WDFY2: variants seen among roughly 807,000 people sequenced by gnomAD.
WDFY2 encodes WD repeat and FYVE domain-containing protein 2.
Under a neutral mutation model 56.4 loss-of-function variants are expected in WDFY2, and 36 were observed. That is an observed-to-expected ratio of 0.64 (90% CI 0.49 to 0.84). The LOEUF (loss-of-function observed/expected upper bound fraction) is 0.84. Among genes scored for constraint, WDFY2 ranks in the 40% least tolerant of loss-of-function variants. The probability of loss-of-function intolerance (pLI) is 0.00; values close to 1 mark genes in which losing one functional copy is unlikely to be tolerated. For synonymous variants in WDFY2, 176 were observed against 183.7 expected (o/e 0.96, Z 0.34); for missense variants, 444 against 512.2 (o/e 0.87, Z 1.29).
chr13:51,695,834 G>T (rs1366612981), intron 3 of WDFY2, among the ~76,000 whole-genome samples: 1 of 152,252 alleles, frequency 6.6e-6, no homozygotes, highest in Non-Finnish European at 1.5e-5. Flanking sequence ...GCTCCACCCA[G>T]TTGGAGCTTC....
At chr13:51,670,481 G>A (rs1464965658) in intron 2 of WDFY2, among the ~76,000 whole-genome samples, 2 of 142,260 alleles carry the variant, frequency 1.4e-5, no homozygotes, top group Non-Finnish European at 3.0e-5. Context: ...CACCTACTGT[G>A]CGCACATGCA....
At chr13:51,732,235 A>C (rs1365623464) in intron 6 of WDFY2, among the ~76,000 whole-genome samples, 1 of 152,020 alleles carries the variant, frequency 6.6e-6, no homozygotes, top group African/African-American at 2.4e-5. Context: ...GGTTCAAGCA[A>C]TTCTCCTGCC....
intron 1 of WDFY2, among the ~76,000 whole-genome samples, chr13:51,649,585 C>G (rs970865340): frequency 1.6e-5 from 2 of 127,272 alleles, no homozygotes; most frequent in Non-Finnish European, 3.2e-5. Context: ...CACCCCCTAC[C>G]CCACAATAGG....
intron 1 of WDFY2, among the ~76,000 whole-genome samples, chr13:51,630,427 T>C (rs561294021): frequency 6.6e-6 from 1 of 152,016 alleles, no homozygotes; most frequent in Admixed American, 6.5e-5. Context: ...TTTTAGTGAA[T>C]TTTTTTGGTG....
chr13:51,751,601 G>C, intron 8 of WDFY2, 186 bp downstream of exon 8: 1 of 592,508 alleles, frequency 1.7e-6, no homozygotes, highest in Non-Finnish European at 3.0e-6. Context: ...ACATTACTGT[G>C]ATGGAGAGTT....
At chr13:51,732,476 T>A (rs1164069764) in intron 6 of WDFY2, among the ~76,000 whole-genome samples, 1 of 152,252 alleles carries the variant, frequency 6.6e-6, no homozygotes. Flanking sequence ...TTTTTTCTTT[T>A]ATTTCTAAGA....
At chr13:51,617,439 A>G (rs1409102941) in intron 1 of WDFY2, among the ~76,000 whole-genome samples, 1 of 152,148 alleles carries the variant, frequency 6.6e-6, no homozygotes, top group South Asian at 2.1e-4. Context: ...TCCTGGGTTC[A>G]AGCGAGAATT....
At chr13:51,723,790 G>A (rs1340805659) in intron 5 of WDFY2, among the ~76,000 whole-genome samples, 1 of 152,122 alleles carries the variant, frequency 6.6e-6, no homozygotes, top group Non-Finnish European at 1.5e-5. Flanking sequence ...CTCCATACCA[G>A]CCTTTTAATA....
At chr13:51,719,105 T>A in intron 4 of WDFY2, 93 bp from the exon 5 acceptor site, 1 of 1,544,574 alleles carries the variant, frequency 6.5e-7, no homozygotes, top group Non-Finnish European at 8.9e-7. Flanking sequence ...TATTCTGGGG[T>A]GGGGAGAAGA....
chr13:51,693,151 G>A (rs1951782222), intron 3 of WDFY2, among the ~76,000 whole-genome samples: 2 of 151,986 alleles, frequency 1.3e-5, no homozygotes, highest in African/African-American at 4.8e-5. Flanking sequence ...ACCAGCTCCT[G>A]GATTCATTAA....
At chr13:51,741,909 TTGAC>T (rs1952983726) in intron 7 of WDFY2, among the ~76,000 whole-genome samples, 4 of 152,334 alleles carry the variant, frequency 2.6e-5, no homozygotes, top group Middle Eastern at 3.4e-3. Flanking sequence ...TGAGCATTTA[TTGAC>T]TAACACATGG....
At chr13:51,601,647 C>T (rs756410704) in intron 1 of WDFY2, among the ~76,000 whole-genome samples, 24 of 152,284 alleles carry the variant, frequency 1.6e-4, no homozygotes, top group Non-Finnish European at 2.8e-4. Context: ...AATACCTGAC[C>T]TCAGGTGATC....
intron 3 of WDFY2, among the ~76,000 whole-genome samples, chr13:51,693,630 G>C (rs1344430975): frequency 6.6e-6 from 1 of 152,004 alleles, no homozygotes; most frequent in Non-Finnish European, 1.5e-5. Context: ...GAATAGGTGT[G>C]GTGTGGTGCT....
At chr13:51,584,907 C>T (rs1953906814) in intron 1 of WDFY2, 83 bp downstream of exon 1, 1 of 1,560,560 alleles carries the variant, frequency 6.4e-7, no homozygotes, top group Non-Finnish European at 8.7e-7. Flanking sequence ...TGTGCCTTCA[C>T]GTCGGCGCGA....
intron 1 of WDFY2, among the ~76,000 whole-genome samples, chr13:51,629,195 A>G (rs1233276880): frequency 6.6e-6 from 1 of 152,212 alleles, no homozygotes; most frequent in Non-Finnish European, 1.5e-5. Flanking sequence ...GAGGAAGACC[A>G]TGAAGCACAC....
chr13:51,628,936 C>T (rs1327377451), intron 1 of WDFY2, among the ~76,000 whole-genome samples: 2 of 152,184 alleles, frequency 1.3e-5, no homozygotes, highest in Non-Finnish European at 2.9e-5. Flanking sequence ...TTTTCTGTTT[C>T]TGTGATCCAT....
chr13:51,666,632 C>T lies in WDFY2; in HGVS notation c.205+5969C>T, dbSNP rs555646737. On this transcript the variant is annotated intron_variant, in intron 2 of 11. Coordinates refer to ENST00000298125, the MANE Select transcript of WDFY2 (RefSeq NM_052950.4). ...GGAGCAGTAGCCCTAGGACCTGGTA[C>T]TTTGTCATTATGGATAATGTGAAAC... Among the ~76,000 whole-genome samples the T allele has an allele frequency of 1.1e-4, 16 of 152,220 alleles. No homozygotes were observed. The South Asian group carries it at 3.1e-3, about 30-fold the overall frequency.
At chr13:51,667,608 G>A (rs1403032949) in intron 2 of WDFY2, among the ~76,000 whole-genome samples, 1 of 152,166 alleles carries the variant, frequency 6.6e-6, no homozygotes, top group Non-Finnish European at 1.5e-5. Flanking sequence ...CTTTAACTCA[G>A]TTGAGAGAGT....
intron 4 of WDFY2, among the ~76,000 whole-genome samples, chr13:51,714,549 TC>T (rs1659246450): frequency 1.3e-5 from 2 of 152,162 alleles, no homozygotes; most frequent in Non-Finnish European, 2.9e-5. Context: ...TGCCTCGGCC[TC>T]CCAAATTGCT....
Sources: allele counts gnomAD v4.1 joint callset (sites outside exome capture counted in the v4.1 genomes callset), GRCh38; gene constraint gnomAD v4.1.1; transcripts MANE v1.5; gene names NCBI Gene and HGNC (gene_info 2026-07-23, HGNC 2026-07-21).